Variants in STK39 observed in about 807,000 individuals in gnomAD.
STK39 encodes the protein STE20/SPS1-related proline-alanine-rich protein kinase.
In STK39, 20 loss-of-function variants were observed where a neutral mutation model predicts 77.8. The ratio of observed to expected loss-of-function variants is 0.26; its 90% CI spans 0.18 to 0.37. The LOEUF is 0.37. Ranked by LOEUF, STK39 falls within the 10% of genes least tolerant of loss-of-function variation. The probability of loss-of-function intolerance (pLI) is 1.00; values close to 1 mark genes in which losing one functional copy is unlikely to be tolerated. For missense variants in STK39, 479 were observed against 656.5 expected, an observed-to-expected ratio of 0.73 and a Z score of 2.95; for synonymous variants, 246 against 234.1, an observed-to-expected ratio of 1.05 and a Z score of -0.47.
intron 16 of STK39, among the ~76,000 whole-genome samples, chr2:167,994,297 T>C (rs1417925400): frequency 1.3e-5 from 2 of 152,124 alleles, no homozygotes; most frequent in Admixed American, 6.5e-5. Context: ...TCAAACTGAG[T>C]ATACAGAAAA....
intron 1 of STK39, among the ~76,000 whole-genome samples, chr2:168,231,647 A>G (rs1346911843): frequency 6.6e-6 from 1 of 152,044 alleles, no homozygotes; most frequent in African/African-American, 2.4e-5. Context: ...ATCAATATGG[A>G]GAACAGATCT....
At chr2:168,140,446 T>C in intron 6 of STK39, 56 bp from the exon 7 acceptor site, 8 of 1,460,792 alleles carry the variant, frequency 5.5e-6, no homozygotes, top group Non-Finnish European at 6.7e-6. Context: ...TTACACATCA[T>C]CAAGTCCATG....
In STK39 at chr2:167,979,161, T is replaced by C. The variant is rs189210442; in HGVS notation, c.1499-14435A>G. Among the ~76,000 whole-genome samples, 320 of 152,344 alleles carry C rather than the reference T, an allele frequency of 2.1e-3. 2 individuals are homozygous for C. The highest frequency in any genetic ancestry group is 3.1e-3 in the Non-Finnish European group (212 of 68,024). ...ATTCATGTACAAATCTTTGTATAGA[T>C]ACACATTTTCTTTTTGCTTGGGTAG... On this transcript the variant is annotated intron_variant, in intron 16 of 17. Transcript: ENST00000355999.
intron 14 of STK39, among the ~76,000 whole-genome samples, chr2:168,022,195 T>C (rs1013257041): frequency 1.3e-5 from 2 of 152,230 alleles, no homozygotes; most frequent in East Asian, 3.8e-4. Flanking sequence ...TCTTTCACTA[T>C]TGTAAACAGT....
At chr2:168,220,395 A>C (rs2105716626) in intron 1 of STK39, among the ~76,000 whole-genome samples, 1 of 152,326 alleles carries the variant, frequency 6.6e-6, no homozygotes, top group East Asian at 1.9e-4. Context: ...GGGGATTTAC[A>C]GACTCTGGAG....
intron 1 of STK39, among the ~76,000 whole-genome samples, chr2:168,193,788 A>G (rs1689400370): frequency 6.6e-6 from 1 of 152,180 alleles, no homozygotes; most frequent in African/African-American, 2.4e-5. Context: ...TTAGTATGGG[A>G]CAGGGGTGAG....
chr2:168,114,117 G>A (rs1687195695), intron 10 of STK39, among the ~76,000 whole-genome samples: 1 of 152,166 alleles, frequency 6.6e-6, no homozygotes, highest in South Asian at 2.1e-4. Flanking sequence ...TTCCAAGTAA[G>A]CTTCAGTAAT....
chr2:168,186,680 T>G (rs1689217014), intron 1 of STK39, among the ~76,000 whole-genome samples: 1 of 152,190 alleles, frequency 6.6e-6, no homozygotes, highest in Non-Finnish European at 1.5e-5. Flanking sequence ...CATAACATAA[T>G]ATATTTCACA....
chr2:168,008,185 T>C (rs1343265371), intron 16 of STK39, among the ~76,000 whole-genome samples: 1 of 152,022 alleles, frequency 6.6e-6, no homozygotes, highest in Non-Finnish European at 1.5e-5. Context: ...TCTCTGGCTG[T>C]TGAGATGAGG....
intron 1 of STK39, among the ~76,000 whole-genome samples, chr2:168,230,120 T>C (rs1327947481): frequency 6.6e-6 from 1 of 152,224 alleles, no homozygotes; most frequent in Non-Finnish European, 1.5e-5. Flanking sequence ...ATTGAGCTGC[T>C]GTGGCAAGGA....
chr2:168,156,658 TATATTCTC>T (rs1688436932), intron 5 of STK39, among the ~76,000 whole-genome samples: 2 of 152,174 alleles, frequency 1.3e-5, no homozygotes, highest in South Asian at 4.1e-4. Context: ...AATGCCGCAG[TATATTCTC>T]ATTACACAAA....
intron 14 of STK39, among the ~76,000 whole-genome samples, chr2:168,051,132 T>C (rs1245612669): frequency 6.6e-6 from 1 of 152,156 alleles, no homozygotes. Context: ...CTGCAAACAG[T>C]CTCCAGAATT....
At chr2:168,052,505 T>C (rs79709779) in intron 14 of STK39, among the ~76,000 whole-genome samples, 7,435 of 152,302 alleles carry the variant, frequency 0.049, 343 homozygotes, top group East Asian at 0.2. Flanking sequence ...ATTTTCTGTA[T>C]ATGTTTCCAC....
intron 16 of STK39, among the ~76,000 whole-genome samples, chr2:168,001,609 C>CA (rs1042386455): frequency 2.2e-4 from 34 of 152,166 alleles, no homozygotes; most frequent in African/African-American, 7.9e-4. Flanking sequence ...TATAAGCCCA[C>CA]AATGAATAAA....
At chr2:168,204,506 C>A (rs944381798) in intron 1 of STK39, among the ~76,000 whole-genome samples, 1 of 152,228 alleles carries the variant, frequency 6.6e-6, no homozygotes, top group African/African-American at 2.4e-5. Context: ...AAGGCAAGAC[C>A]TGGATCCACA....
intron 14 of STK39, among the ~76,000 whole-genome samples, chr2:168,031,573 T>C (rs1156727498): frequency 6.6e-6 from 1 of 152,230 alleles, no homozygotes; most frequent in Admixed American, 6.5e-5. Context: ...AAAGAGGTAA[T>C]TAAAGTTAAG....
intron 2 of STK39, among the ~76,000 whole-genome samples, chr2:168,181,095 T>A (rs1689072524): frequency 6.6e-6 from 1 of 152,246 alleles, no homozygotes. Flanking sequence ...TGCAGCCAAC[T>A]GTCATTATAC....
chr2:168,184,192 C>T (rs533668007), intron 1 of STK39, among the ~76,000 whole-genome samples: 1 of 152,204 alleles, frequency 6.6e-6, no homozygotes, highest in Non-Finnish European at 1.5e-5. Context: ...AAGTCCTTGA[C>T]AGTAAAAGTC....
intron 1 of STK39, among the ~76,000 whole-genome samples, chr2:168,219,562 G>A (rs955492748): frequency 6.6e-5 from 10 of 152,028 alleles, no homozygotes; most frequent in Admixed American, 5.9e-4. Flanking sequence ...CCCAATGCCA[G>A]TCAGACAGAT....
Sources: gnomAD v4.1 joint callset for allele counts (sites outside exome capture counted in the v4.1 genomes callset) on GRCh38, gnomAD v4.1.1 for gene constraint, MANE v1.5 for transcripts, NCBI Gene and HGNC (gene_info 2026-07-23, HGNC 2026-07-21) for gene names.